UGT1A1: variants seen among roughly 807,000 people sequenced by gnomAD.
UGT1A1 encodes UDP glucuronosyltransferase family 1 member A1.
A neutral mutation model predicts 40.6 loss-of-function variants in UGT1A1; 33 were observed. The observed-to-expected ratio is 0.81, with a 90% CI of 0.62 to 1.09. The LOEUF is 1.09. UGT1A1 is among the 50% of genes least tolerant of loss of function. UGT1A1 has a pLI of 0.00. For synonymous variants in UGT1A1, 249 were observed against 265.0 expected, an observed-to-expected ratio of 0.94 and a Z score of 0.59; for missense variants, 694 against 671.2, an observed-to-expected ratio of 1.03 and a Z score of -0.38.
intron 2 of UGT1A1, 51 bp from the exon 3 acceptor site, chr2:233,767,798 C>G (rs1319499928): frequency 6.2e-7 from 1 of 1,614,062 alleles, no homozygotes; most frequent in Admixed American, 1.7e-5. Context: ...GATTTGTTTT[C>G]TAATCATATT....
rs1697538425 is a variant in UGT1A1 at position 233,760,716 on chromosome 2, C to T, written c.429C>T (p.Ser143=). The change falls in exon 1 of 5, where the codon AGC becomes AGT. Residue 143 remains serine, a synonymous_variant. Transcript: ENST00000305208. Reference sequence around the variant, plus strand: ...AGCTCATGGCCTCCCTGGCAGAAAGCAGCTTTGATGTCATGCTGACGGACC... The same window carrying T: ...AGCTCATGGCCTCCCTGGCAGAAAGTAGCTTTGATGTCATGCTGACGGACC... The part of the protein sequence containing the change: ...NKELMASLAE[S]SFDVMLTDPF... 9 of 1,614,218 alleles carry T rather than the reference C, an allele frequency of 5.6e-6. No homozygotes were observed. Among genetic ancestry groups the T allele is most frequent in the East Asian group, 2.2e-5 (1 of 44,884 alleles).
At chr2:233,768,164 C>A in intron 3 of UGT1A1, 56 bp from the exon 4 acceptor site, 1 of 1,613,412 alleles carries the variant, frequency 6.2e-7, no homozygotes, top group South Asian at 1.1e-5. Context: ...CTAGATGTGT[C>A]CAGCTGTGAA....
intron 4 of UGT1A1, 143 bp downstream of exon 4, chr2:233,768,582 CTTTTTTTTTTT>C (rs139595073): frequency 1.7e-3 from 1,723 of 1,029,514 alleles, no homozygotes; most frequent in Middle Eastern, 4.0e-3. Flanking sequence ...TTTATTTCTT[CTTTTTTTTTTT>C]TTTTTTTTTT....
intron 1 of UGT1A1, among the ~76,000 whole-genome samples, chr2:233,765,362 C>T (rs923355848): frequency 3.3e-5 from 5 of 152,128 alleles, no homozygotes; most frequent in African/African-American, 7.2e-5. Context: ...AACCCAGATG[C>T]CCATCAATGG....
At position 233,767,864 on chromosome 2, in the gene UGT1A1, A is replaced by G. The variant is rs748591879; in HGVS notation, c.1012A>G (p.Thr338Ala). 51 of 1,614,144 alleles carry G rather than the reference A, an allele frequency of 3.2e-5. No individual in the cohort carries two copies. Among genetic ancestry groups the G allele is most frequent in the Non-Finnish European group, 3.9e-5 (46 of 1,180,042 alleles). Residue 338 changes from threonine (T) to alanine (A), a missense_variant, in exon 3 of 5, where the codon ACT (threonine) becomes GCT (alanine). Transcript: ENST00000305208. ...CCCCTCCCAGGTCCTGTGGCGGTAC[A>G]CTGGAACCCGACCATCGAATCTTGC... ...KIPQTVLWRYTGTRPSNLANN... is the reference protein window; with the variant it reads ...KIPQTVLWRYAGTRPSNLANN...
rs1699952457 is a variant in UGT1A1, at chr2:233,769,841, G to C, written c.1304+1402G>C. On this transcript the variant is annotated intron_variant, in intron 4 of 4. Coordinates refer to ENST00000305208, the MANE Select transcript of UGT1A1 (RefSeq NM_000463.3). This position sits in a 1 kb window ranked among gnomAD's most constrained non-coding sequence, Gnocchi z 4.4. The stretch of plus-strand genomic sequence containing the variant: ...CTGCACTCCAGCAACCTGGGCAACA[G>C]AGTGAGACCCTGTCTCAAAAAAAAA... The C allele has an allele frequency of 1.8e-6, 1 of 550,096 alleles. No homozygotes were observed. Among genetic ancestry groups the C allele is most frequent in the Non-Finnish European group, 2.8e-6 (1 of 353,910 alleles). The allele number at this position is 550,096 out of a possible 1,614,324, so 34.1% of individuals were successfully genotyped here. A position where few individuals can be genotyped will look rare whatever the true frequency, so the allele number is the denominator to read the frequency against.
chr2:233,761,671 C>T (rs1489520357), intron 1 of UGT1A1, among the ~76,000 whole-genome samples: 1 of 152,240 alleles, frequency 6.6e-6, no homozygotes, highest in Non-Finnish European at 1.5e-5. Flanking sequence ...ACCAGACAGT[C>T]AGGTTCTGAC....
At chr2:233,771,851 A>G (rs982853189) in intron 4 of UGT1A1, among the ~76,000 whole-genome samples, 2 of 135,436 alleles carry the variant, frequency 1.5e-5, no homozygotes, top group Non-Finnish European at 3.0e-5. Context: ...CTTCTTTTTC[A>G]AGAGATCAAT....
At chr2:233,765,693 AAATAATAATAATAATAATT>A (rs1698909746) in intron 1 of UGT1A1, among the ~76,000 whole-genome samples, 1 of 147,312 alleles carries the variant, frequency 6.8e-6, no homozygotes, top group East Asian at 2.0e-4. Flanking sequence ...AACTTCAAGT[AAATAATAATAATAATAATT>A]AATAATAATA....
At chr2:233,767,811 GTTCT>G (rs753422454) in intron 2 of UGT1A1, 34 bp from the exon 3 acceptor site, 1 of 1,614,124 alleles carries the variant, frequency 6.2e-7, no homozygotes, top group South Asian at 1.1e-5. Flanking sequence ...ATCATATTAT[GTTCT>G]TTCTTTACGT....
chr2:233,762,134 T>C (rs1697981435), intron 1 of UGT1A1, among the ~76,000 whole-genome samples: 1 of 152,212 alleles, frequency 6.6e-6, no homozygotes, highest in African/African-American at 2.4e-5. Flanking sequence ...TGTGGGGACC[T>C]GTGTGACTTT....
In UGT1A1 at chr2:233,761,167, G is replaced by A; in HGVS notation, c.864+16G>A. On this transcript the variant is annotated intron_variant, in intron 1 of 4. Transcript: ENST00000305208. ...ACTATCCCAGGTGTGTATTGGAGTG[G>A]GACTTTTACATGCGTATATTCTTTC... 1 of 1,614,098 alleles carries A rather than the reference G, an allele frequency of 6.2e-7. No homozygotes were observed.
At position 233,760,587 on chromosome 2, in the gene UGT1A1, T is replaced by C. The variant is rs374655757; in HGVS notation, c.300T>C (p.Phe100=). The part of the protein sequence containing the change: ...ESFVSLGHNV[F]ENDSFLQRVI... ...TTGTTAGTCTCGGGCATAATGTTTT[T>C]GAGAATGATTCTTTCCTGCAGCGTG... The change falls in exon 1 of 5, where the codon TTT becomes TTC. Residue 100 remains phenylalanine, a synonymous_variant. Coordinates refer to ENST00000305208, the MANE Select transcript of UGT1A1 (RefSeq NM_000463.3). 5 of 1,614,120 alleles carry C rather than the reference T, an allele frequency of 3.1e-6. No homozygotes were observed. Among genetic ancestry groups the C allele is most frequent in the Non-Finnish European group, 4.2e-6 (5 of 1,180,056 alleles).
At position 233,761,022 on chromosome 2, in the gene UGT1A1, G is replaced by A. The variant is rs749651784; in HGVS notation, c.735G>A (p.Gln245=). 1.2e-6 allele frequency: 2 copies of A among 1,614,120 alleles called. No homozygotes were observed. The highest frequency in any genetic ancestry group is 1.7e-6 in the Non-Finnish European group (2 of 1,180,020). Residue 245 remains glutamine, a synonymous_variant, in exon 1 of 5, where the codon CAG becomes CAA. Coordinates refer to ENST00000305208, the MANE Select transcript of UGT1A1 (RefSeq NM_000463.3). ...TCCTTCAGAGAGAGGTGACTGTCCA[G>A]GACCTATTGAGCTCTGCATCTGTCT... is the stretch of plus-strand genomic sequence containing the variant. The part of the protein sequence containing the change: ...SEFLQREVTV[Q]DLLSSASVWL...
Position 233,767,897 on chromosome 2 carries a change from A to G in UGT1A1, c.1045A>G (p.Thr349Ala). Residue 349 changes from threonine to alanine, a missense_variant, in exon 3 of 5, where the codon ACG becomes GCG. Thr to Ala is a moderately conservative substitution (Grantham distance 58). Transcript: ENST00000305208. ...CCGACCATCGAATCTTGCGAACAAC[A>G]CGATACTTGTTAAGTGGCTACCCCA... is the stretch of plus-strand genomic sequence containing the variant. The part of the protein sequence containing the change: ...GTRPSNLANN[T>A]ILVKWLPQND... The G allele has an allele frequency of 1.9e-6, 3 of 1,614,178 alleles. No homozygotes were observed. Among genetic ancestry groups the G allele is most frequent in the Non-Finnish European group, 1.7e-6 (2 of 1,180,044 alleles).
intron 1 of UGT1A1, among the ~76,000 whole-genome samples, chr2:233,766,326 C>A (rs192391946): frequency 2.6e-5 from 4 of 152,238 alleles, no homozygotes; most frequent in Non-Finnish European, 4.4e-5. Flanking sequence ...CCAAACTCCG[C>A]GTTGTTCTGC....
At chr2:233,770,514 C>G (rs191930447) in intron 4 of UGT1A1, 1 of 152,018 alleles carries the variant, frequency 6.6e-6, no homozygotes, top group Non-Finnish European at 1.5e-5. Flanking sequence ...AAAAATTACC[C>G]AGGCATGGTG....
At chr2:233,766,576 G>A (rs983735374) in intron 1 of UGT1A1, among the ~76,000 whole-genome samples, 1 of 152,162 alleles carries the variant, frequency 6.6e-6, no homozygotes, top group Non-Finnish European at 1.5e-5. Flanking sequence ...GCACAGGTCT[G>A]GGGGTGGAGC....
chr2:233,760,473 T>TGAC lies in UGT1A1; in HGVS notation c.188_190dup (p.Asp63dup). On this transcript the variant is annotated inframe_insertion, in exon 1 of 5. Transcript: ENST00000305208. ...GACATGAAATAGTTGTCCTAGCACC[T>TGAC]GACGCCTCGTTGTACATCAGAGACG... is the stretch of plus-strand genomic sequence containing the variant. The TGAC allele has an allele frequency of 6.2e-7, 1 of 1,614,230 alleles. No homozygotes were observed. Among genetic ancestry groups the TGAC allele is most frequent in the Non-Finnish European group, 8.5e-7 (1 of 1,180,030 alleles).
Sources: allele counts gnomAD v4.1 joint callset (sites outside exome capture counted in the v4.1 genomes callset), GRCh38; gene constraint gnomAD v4.1.1; non-coding constraint Gnocchi (gnomAD v3.1); transcripts MANE v1.5; gene names NCBI Gene and HGNC (gene_info 2026-07-23, HGNC 2026-07-21).